The following ZNF385D variants were observed in gnomAD, a reference collection of about 807,000 sequenced individuals.
ZNF385D encodes zinc finger protein 659.
ZNF385D carries 15 observed loss-of-function variants against 35.8 expected under a neutral mutation model. That is an observed-to-expected ratio of 0.42 (90% CI 0.28 to 0.64). ZNF385D has a LOEUF of 0.64. Ranked by LOEUF, ZNF385D falls within the 30% of genes least tolerant of loss-of-function variation. The pLI is 0.23. For synonymous variants in ZNF385D, 212 were observed against 186.8 expected (o/e 1.13, Z -1.10); for missense variants, 474 against 494.6 (o/e 0.96, Z 0.39).
intron 2 of ZNF385D, among the ~76,000 whole-genome samples, chr3:21,617,950 A>C (rs1253594433): frequency 6.6e-6 from 1 of 152,122 alleles, no homozygotes; most frequent in Non-Finnish European, 1.5e-5. Context: ...TGGGAATTTA[A>C]TTCTGAATTA....
In ZNF385D at chr3:22,303,905, G is replaced by C. The variant is rs149858025; in HGVS notation, c.106+68545C>G. ...CGATTCTTCTGCTTCAGCCTCCCAA[G>C]CAGTTGGGATTATAGGCATGTGCCA... is the stretch of plus-strand genomic sequence containing the variant. On this transcript the variant is annotated intron_variant, in intron 2 of 5. Coordinates refer to the ZNF385D transcript ENST00000494108. Among the ~76,000 whole-genome samples, 1,083 of 152,192 alleles carry C rather than the reference G, an allele frequency of 7.1e-3. 9 individuals are homozygous for C. The highest frequency in any genetic ancestry group is 0.024 in the African/African-American group (1,003 of 41,506).
At chr3:21,631,492 A>T (rs1185167325) in intron 2 of ZNF385D, among the ~76,000 whole-genome samples, 1 of 152,118 alleles carries the variant, frequency 6.6e-6, no homozygotes, top group Non-Finnish European at 1.5e-5. Context: ...CTTTGGAGAA[A>T]ATACCATCTT....
Position 21,740,180 on chromosome 3 carries a change from G to T in ZNF385D, c.22+10715C>A, listed in dbSNP as rs565814466. Among the ~76,000 whole-genome samples the T allele has an allele frequency of 8.5e-5, 13 of 152,276 alleles. No individual in the cohort carries two copies. The East Asian group carries it at 2.5e-3, about 29-fold the overall frequency. On this transcript the variant is annotated intron_variant, in intron 1 of 7. Coordinates refer to ENST00000281523, the MANE Select transcript of ZNF385D (RefSeq NM_024697.3). Reference sequence around the variant, plus strand: ...GAGCTCAAACCATGGACCATGCGGTGTCTTGTAGAATAGAAATAAGTATAC... The same window carrying T: ...GAGCTCAAACCATGGACCATGCGGTTTCTTGTAGAATAGAAATAAGTATAC...
intron 1 of ZNF385D, among the ~76,000 whole-genome samples, chr3:21,672,553 G>A (rs1303128123): frequency 6.6e-6 from 1 of 152,052 alleles, no homozygotes; most frequent in Non-Finnish European, 1.5e-5. Context: ...CTCCATTCTG[G>A]AAATACTGAT....
At chr3:21,718,969 T>A (rs2068431978) in intron 1 of ZNF385D, among the ~76,000 whole-genome samples, 1 of 152,226 alleles carries the variant, frequency 6.6e-6, no homozygotes, top group Non-Finnish European at 1.5e-5. Context: ...GAAAAATTAT[T>A]CAAAAACTTC....
At chr3:22,110,248 G>T (rs1227111729) in intron 3 of ZNF385D, among the ~76,000 whole-genome samples, 1 of 151,934 alleles carries the variant, frequency 6.6e-6, no homozygotes, top group Non-Finnish European at 1.5e-5. Context: ...CAGGGATCTA[G>T]AACTAGAAAT....
chr3:21,937,468 T>C (rs1056450452), intron 3 of ZNF385D, among the ~76,000 whole-genome samples: 8 of 152,224 alleles, frequency 5.3e-5, no homozygotes, highest in African/African-American at 1.9e-4. Flanking sequence ...GTATTCTAGC[T>C]ACACTAATAA....
intron 2 of ZNF385D, among the ~76,000 whole-genome samples, chr3:22,314,367 T>C (rs778558047): frequency 6.6e-6 from 1 of 152,108 alleles, no homozygotes; most frequent in African/African-American, 2.4e-5. Context: ...GTGAGAACAT[T>C]TGATGTTTGG....
At chr3:21,889,825 C>G (rs978999284) in intron 3 of ZNF385D, among the ~76,000 whole-genome samples, 10 of 152,260 alleles carry the variant, frequency 6.6e-5, no homozygotes, top group South Asian at 4.1e-4. Context: ...CAAGTGTCAG[C>G]AGGATCAAGC....
chr3:22,102,272 C>T (rs558044557), intron 3 of ZNF385D, among the ~76,000 whole-genome samples: 1 of 151,992 alleles, frequency 6.6e-6, no homozygotes, highest in African/African-American at 2.4e-5. Context: ...GTATTTTACA[C>T]TCATGATTTC....
intron 3 of ZNF385D, among the ~76,000 whole-genome samples, chr3:22,166,489 A>G (rs1423888060): frequency 6.6e-6 from 1 of 152,206 alleles, no homozygotes; most frequent in Non-Finnish European, 1.5e-5. Flanking sequence ...AAGTTCAACT[A>G]TTTAATAGCT....
intron 3 of ZNF385D, among the ~76,000 whole-genome samples, chr3:21,992,004 A>G (rs961931198): frequency 6.6e-6 from 1 of 152,180 alleles, no homozygotes; most frequent in Non-Finnish European, 1.5e-5. Flanking sequence ...AGGCTAGCTA[A>G]CTATTCTCTT....
At chr3:21,714,805 ACTCT>A (rs777752665) in intron 1 of ZNF385D, among the ~76,000 whole-genome samples, 3 of 151,818 alleles carry the variant, frequency 2.0e-5, no homozygotes, top group Admixed American at 6.6e-5. Flanking sequence ...CCCTGTTCCT[ACTCT>A]CTCTTTTTAA....
chr3:22,223,518 T>G (rs1698382782), intron 2 of ZNF385D, among the ~76,000 whole-genome samples: 2 of 152,142 alleles, frequency 1.3e-5, no homozygotes, highest in Admixed American at 1.3e-4. Context: ...AGTGAGTACA[T>G]CATAGGATTG....
chr3:22,369,931 G>A (rs963292863), intron 2 of ZNF385D, among the ~76,000 whole-genome samples: 14 of 152,092 alleles, frequency 9.2e-5, no homozygotes, highest in Non-Finnish European at 1.5e-5. Flanking sequence ...CATACACTTA[G>A]CAATGAGAAA....
chr3:21,809,706 A>T (rs567537287), intron 3 of ZNF385D, among the ~76,000 whole-genome samples: 1 of 151,350 alleles, frequency 6.6e-6, no homozygotes, highest in East Asian at 1.9e-4. Context: ...ATATATACAC[A>T]TATATACATA....
At chr3:21,935,630 A>G (rs936493394) in intron 3 of ZNF385D, among the ~76,000 whole-genome samples, 1 of 152,114 alleles carries the variant, frequency 6.6e-6, no homozygotes, top group Non-Finnish European at 1.5e-5. Context: ...AAGAGTAAAA[A>G]GTTGCTTGTC....
At chr3:21,551,329 C>G (rs568120820) in intron 3 of ZNF385D, among the ~76,000 whole-genome samples, 32 of 152,314 alleles carry the variant, frequency 2.1e-4, no homozygotes, top group African/African-American at 7.5e-4. Context: ...CCTTAGCCAG[C>G]TAATGACCAC....
intron 3 of ZNF385D, among the ~76,000 whole-genome samples, chr3:21,944,576 A>T (rs978728635): frequency 3.3e-5 from 5 of 152,184 alleles, no homozygotes; most frequent in African/African-American, 1.2e-4. Context: ...TCAACCCTGT[A>T]CATTTAAGCA....
Sources: gnomAD v4.1 joint callset for allele counts (sites outside exome capture counted in the v4.1 genomes callset) on GRCh38, gnomAD v4.1.1 for gene constraint, MANE v1.5 for transcripts, NCBI Gene and HGNC (gene_info 2026-07-23, HGNC 2026-07-21) for gene names.